Variants in ABCB5 observed in about 807,000 individuals in gnomAD.
ABCB5 encodes ATP-binding cassette sub-family B member 5.
ABCB5 carries 155 observed loss-of-function variants against 144.2 expected under a neutral mutation model. That is an observed-to-expected ratio of 1.08 (90% CI 0.94 to 1.23). The LOEUF (loss-of-function observed/expected upper bound fraction) is 1.23, where lower values mean the gene tolerates loss of function less well. Ranked by LOEUF, ABCB5 falls within the 50% of genes most tolerant of loss-of-function variation. The pLI, the probability that ABCB5 is intolerant of heterozygous loss-of-function variation, is 0.00. For synonymous variants in ABCB5, 610 were observed against 528.6 expected (o/e 1.15, Z -2.11); for missense variants, 1,830 against 1,520.8 (o/e 1.20, Z -3.38).
chr7:20,710,262 G>A (rs4719624), intron 20 of ABCB5, among the ~76,000 whole-genome samples: 88,466 of 141,196 alleles, frequency 0.63, 29,608 homozygotes, highest in East Asian at 0.93. Context: ...AGCTACTCGG[G>A]AGGCTGAGGC....
chr7:20,715,983 C>A (rs1300035237), intron 20 of ABCB5, among the ~76,000 whole-genome samples: 10 of 152,034 alleles, frequency 6.6e-5, no homozygotes. Context: ...GCCTGTAATC[C>A]CAAAGTGCTG....
rs1003631057 is a variant in ABCB5, at chr7:20,738,117, G to T, written c.2868-866G>T. Among the ~76,000 whole-genome samples the T allele has an allele frequency of 4.6e-4, 70 of 152,150 alleles. 3 individuals are homozygous for T. ...TATCCAGCACTGCAAACAAGCAACT[G>T]GGTTCTGTGATGACCCTTTACTGCC... is the stretch of plus-strand genomic sequence containing the variant. On this transcript the variant is annotated intron_variant, in intron 23 of 27. Coordinates refer to ENST00000404938, the MANE Select transcript of ABCB5 (RefSeq NM_001163941.2).
At chr7:20,722,466 G>A (rs1413695116) in intron 20 of ABCB5, among the ~76,000 whole-genome samples, 1 of 152,158 alleles carries the variant, frequency 6.6e-6, no homozygotes, top group East Asian at 1.9e-4. Flanking sequence ...TTCCTATCAT[G>A]CTTCTATACA....
intron 5 of ABCB5, among the ~76,000 whole-genome samples, chr7:20,636,618 C>T (rs1031255264): frequency 6.6e-6 from 1 of 151,784 alleles, no homozygotes; most frequent in African/African-American, 2.4e-5. Flanking sequence ...AACTCCGTCT[C>T]TATTAAGAAT....
intron 5 of ABCB5, among the ~76,000 whole-genome samples, chr7:20,635,705 T>C (rs542566836): frequency 1.4e-4 from 21 of 152,232 alleles, no homozygotes; most frequent in African/African-American, 4.6e-4. Flanking sequence ...CTCATTTTGA[T>C]CATTATTGGT....
At chr7:20,712,840 T>G (rs912883192) in intron 20 of ABCB5, among the ~76,000 whole-genome samples, 4 of 149,872 alleles carry the variant, frequency 2.7e-5, no homozygotes, top group African/African-American at 9.9e-5. Flanking sequence ...ATGTAGTCAT[T>G]ATGAAATGGA....
chr7:20,751,295 A>C (rs1239939145), intron 26 of ABCB5, among the ~76,000 whole-genome samples: 1 of 151,958 alleles, frequency 6.6e-6, no homozygotes, highest in Admixed American at 6.6e-5. Context: ...ACATGGTGAA[A>C]CCCCGTCTCT....
At chr7:20,658,743 G>T in intron 14 of ABCB5, 67 bp downstream of exon 14, 1 of 1,545,136 alleles carries the variant, frequency 6.5e-7, no homozygotes. Context: ...GTACAAGAAA[G>T]TATAGATCTG....
chr7:20,704,956 C>A, intron 20 of ABCB5, 149 bp downstream of exon 20: 1 of 501,654 alleles, frequency 2.0e-6, no homozygotes, highest in South Asian at 3.9e-5. Flanking sequence ...ACAGGTAACT[C>A]TCAGTGAAAG....
chr7:20,669,193 C>T (rs1472342373), intron 14 of ABCB5, among the ~76,000 whole-genome samples: 3 of 146,976 alleles, frequency 2.0e-5, no homozygotes, highest in African/African-American at 7.6e-5. Flanking sequence ...GTGAGGAGCC[C>T]CTCTGCCCGG....
rs377388975 is a variant in ABCB5, at chr7:20,688,291, T to G, written c.2010+2455T>G. Among the ~76,000 whole-genome samples, 3 of 152,338 alleles carry G rather than the reference T, an allele frequency of 2.0e-5. No homozygotes were observed. The East Asian group carries it at 5.8e-4, about 29-fold the overall frequency. On this transcript the variant is annotated intron_variant, in intron 16 of 27. Coordinates refer to ENST00000404938, the MANE Select transcript of ABCB5 (RefSeq NM_001163941.2). ...GAGCAGTATTTTAGAACAGAGTTAATGGGAGTTCTATTAGTCTGGGTCCAG... is the reference window on the plus strand; with the variant it reads ...GAGCAGTATTTTAGAACAGAGTTAAGGGGAGTTCTATTAGTCTGGGTCCAG...
At chr7:20,708,966 C>A (rs1786916731) in intron 20 of ABCB5, among the ~76,000 whole-genome samples, 1 of 152,184 alleles carries the variant, frequency 6.6e-6, no homozygotes, top group Admixed American at 6.5e-5. Flanking sequence ...TAACTTTTCA[C>A]TTACTTCAAA....
chr7:20,733,635 T>C (rs1195608929), intron 23 of ABCB5, among the ~76,000 whole-genome samples: 1 of 151,568 alleles, frequency 6.6e-6, no homozygotes, highest in East Asian at 2.0e-4. Context: ...TCTTTTCTTT[T>C]CTTTTCTTTT....
At chr7:20,706,104 T>C (rs1786813132) in intron 20 of ABCB5, among the ~76,000 whole-genome samples, 1 of 152,176 alleles carries the variant, frequency 6.6e-6, no homozygotes, top group Admixed American at 6.5e-5. Context: ...CATGAAAAGA[T>C]GGTGGATAGA....
At chr7:20,752,926 A>C (rs1489385162) in intron 26 of ABCB5, among the ~76,000 whole-genome samples, 1 of 152,230 alleles carries the variant, frequency 6.6e-6, no homozygotes, top group African/African-American at 2.4e-5. Flanking sequence ...ATCTGTAAGG[A>C]TGTGCCCACA....
In ABCB5 at chr7:20,648,032, A is replaced by G. The variant is rs759646294; in HGVS notation, c.1160A>G (p.Glu387Gly). The G allele has an allele frequency of 1.2e-6, 2 of 1,611,892 alleles. No homozygotes were observed. Among genetic ancestry groups the G allele is most frequent in the South Asian group, 2.2e-5 (2 of 90,952 alleles). The change falls in exon 11 of 28, where the codon GAA (glutamate) becomes GGA (glycine). Residue 387 changes from glutamate (E) to glycine (G), a missense_variant. Physicochemically the swap from Glu to Gly is moderately conservative, Grantham distance 98. Transcript: ENST00000404938. The stretch of plus-strand genomic sequence containing the variant: ...CCTGAATCCATAGAAGGAACTGTGG[A>G]ATTTAAAAATGTTTCTTTCAATTAT... ...YKPESIEGTV[E>G]FKNVSFNYPS...
intron 16 of ABCB5, among the ~76,000 whole-genome samples, chr7:20,691,919 G>GA (rs919935349): frequency 9.9e-5 from 15 of 151,318 alleles, no homozygotes; most frequent in Admixed American, 5.9e-4. Flanking sequence ...CAAAAAAGGA[G>GA]AAAAAAAATG....
chr7:20,618,179 C>G (rs915455527), intron 1 of ABCB5, among the ~76,000 whole-genome samples: 5 of 152,030 alleles, frequency 3.3e-5, no homozygotes, highest in Non-Finnish European at 5.9e-5. Flanking sequence ...GAAAAGAAAC[C>G]CTGTATCCCT....
chr7:20,659,252 G>C, intron 14 of ABCB5: 1 of 1,522,672 alleles, frequency 6.6e-7, no homozygotes, highest in Non-Finnish European at 8.8e-7. Flanking sequence ...CTGAATCTAG[G>C]AGGGGAGTTG....
Sources: gnomAD v4.1 joint callset for allele counts (sites outside exome capture counted in the v4.1 genomes callset) on GRCh38, gnomAD v4.1.1 for gene constraint, MANE v1.5 for transcripts, NCBI Gene and HGNC (gene_info 2026-07-23, HGNC 2026-07-21) for gene names.